STK39: variants seen among roughly 807,000 people sequenced by gnomAD.
The protein encoded by STK39 is STE20/SPS1-related proline-alanine-rich protein kinase.
Under a neutral mutation model 77.8 loss-of-function variants are expected in STK39, and 20 were observed. That is an observed-to-expected ratio of 0.26 (90% CI 0.18 to 0.37). The LOEUF (loss-of-function observed/expected upper bound fraction) is 0.37. Among genes scored for constraint, STK39 ranks in the 10% least tolerant of loss-of-function variants. The pLI, the probability that STK39 is intolerant of heterozygous loss-of-function variation, is 1.00. For synonymous variants in STK39, 246 were observed against 234.1 expected (o/e 1.05, Z -0.47); for missense variants, 479 against 656.5 (o/e 0.73, Z 2.95).
intron 1 of STK39, among the ~76,000 whole-genome samples, chr2:168,205,390 A>G (rs557956116): frequency 1.3e-5 from 2 of 152,248 alleles, no homozygotes; most frequent in Admixed American, 6.5e-5. Flanking sequence ...CCTTTTCTGT[A>G]TTTTCCAATT....
chr2:168,077,234 T>G (rs1264575223), intron 10 of STK39, among the ~76,000 whole-genome samples: 1 of 152,170 alleles, frequency 6.6e-6, no homozygotes, highest in East Asian at 1.9e-4. Context: ...CCCAAGAGAT[T>G]ACACTAAGGA....
chr2:168,164,597 G>C (rs528603511), intron 3 of STK39, among the ~76,000 whole-genome samples: 23 of 152,004 alleles, frequency 1.5e-4, no homozygotes, highest in Non-Finnish European at 3.2e-4. Context: ...TGTAGAGATG[G>C]GGTCTTACCA....
intron 10 of STK39, among the ~76,000 whole-genome samples, chr2:168,117,490 A>G (rs552996276): frequency 2.0e-5 from 3 of 152,330 alleles, no homozygotes; most frequent in Admixed American, 1.3e-4. Flanking sequence ...ACAGAAGGTA[A>G]AACTAGCAGA....
At chr2:168,151,143 ACTTAT>A (rs201989314) in intron 5 of STK39, among the ~76,000 whole-genome samples, 63,209 of 151,666 alleles carry the variant, frequency 0.42, 14,768 homozygotes, top group East Asian at 0.67. Context: ...TGCTCTAGTC[ACTTAT>A]CAAATCCATC....
intron 14 of STK39, among the ~76,000 whole-genome samples, chr2:168,046,789 G>C (rs1431316084): frequency 6.6e-6 from 1 of 152,214 alleles, no homozygotes; most frequent in Non-Finnish European, 1.5e-5. Flanking sequence ...GTGGGTGATG[G>C]GAGGGGATAA....
chr2:168,243,457 C>G lies in STK39; in HGVS notation c.208+3771G>C, dbSNP rs181981930. ...CTAGAACTCAAATTCTTCGTGTTGA[C>G]TAAGATGGCAATTTGTTACTTTTAG... is the stretch of plus-strand genomic sequence containing the variant. On this transcript the variant is annotated intron_variant, in intron 1 of 17. Coordinates refer to ENST00000355999, the MANE Select transcript of STK39 (RefSeq NM_013233.3). 4.6e-5 allele frequency among the ~76,000 whole-genome samples: 7 copies of G among 152,234 alleles called. No homozygotes were observed. The East Asian group carries it at 1.4e-3, about 29-fold the overall frequency.
intron 14 of STK39, among the ~76,000 whole-genome samples, chr2:168,030,517 T>G (rs1269791406): frequency 6.6e-6 from 1 of 152,202 alleles, no homozygotes; most frequent in Non-Finnish European, 1.5e-5. Flanking sequence ...TATTAAAGAT[T>G]AGCAAATTTA....
intron 1 of STK39, among the ~76,000 whole-genome samples, chr2:168,244,868 G>A (rs1460594105): frequency 6.6e-6 from 1 of 152,162 alleles, no homozygotes; most frequent in East Asian, 1.9e-4. Flanking sequence ...AAATTCCTCA[G>A]GTAAATTTCT....
chr2:167,957,322 T>C (rs530866834), intron 17 of STK39, among the ~76,000 whole-genome samples: 2 of 152,288 alleles, frequency 1.3e-5, no homozygotes, highest in South Asian at 2.1e-4. Context: ...AGAAGTAAAA[T>C]TGTCATTGTT....
At chr2:168,035,932 C>T (rs987378370) in intron 14 of STK39, among the ~76,000 whole-genome samples, 2 of 152,140 alleles carry the variant, frequency 1.3e-5, no homozygotes, top group African/African-American at 4.8e-5. Flanking sequence ...AAAGGAGACA[C>T]TTATACTATA....
intron 10 of STK39, among the ~76,000 whole-genome samples, chr2:168,125,835 G>A (rs747898510): frequency 3.3e-5 from 5 of 152,020 alleles, no homozygotes; most frequent in East Asian, 1.9e-4. Context: ...ACCTACCCTC[G>A]TGGAATTATG....
At chr2:168,026,909 G>C (rs1485825221) in intron 14 of STK39, among the ~76,000 whole-genome samples, 5 of 152,130 alleles carry the variant, frequency 3.3e-5, no homozygotes, top group African/African-American at 1.2e-4. Context: ...CTTGAACCCA[G>C]GAGTTTGAGA....
intron 16 of STK39, among the ~76,000 whole-genome samples, chr2:167,986,699 TG>T (rs1257552817): frequency 6.6e-6 from 1 of 152,150 alleles, no homozygotes; most frequent in East Asian, 1.9e-4. Flanking sequence ...CAAACACTTC[TG>T]GTAAGAAAAC....
At chr2:168,027,404 G>A (rs1321183620) in intron 14 of STK39, among the ~76,000 whole-genome samples, 2 of 152,136 alleles carry the variant, frequency 1.3e-5, no homozygotes, top group Non-Finnish European at 1.5e-5. Context: ...ACCTCCACAC[G>A]TGCAGAAATA....
At chr2:168,004,967 C>T (rs940698591) in intron 16 of STK39, among the ~76,000 whole-genome samples, 1 of 148,482 alleles carries the variant, frequency 6.7e-6, no homozygotes, top group Admixed American at 6.7e-5. Context: ...AATACTTAAC[C>T]TTAGCAAGCA....
chr2:168,196,047 T>C (rs1401498269), intron 1 of STK39, among the ~76,000 whole-genome samples: 5 of 152,174 alleles, frequency 3.3e-5, no homozygotes, highest in African/African-American at 1.2e-4. Flanking sequence ...TCTACCACTA[T>C]AAATGGGAAT....
intron 1 of STK39, among the ~76,000 whole-genome samples, chr2:168,230,876 G>C (rs1359222532): frequency 6.6e-6 from 1 of 152,092 alleles, no homozygotes; most frequent in African/African-American, 2.4e-5. Context: ...TCTCAGACCT[G>C]CTCAGGTTTG....
intron 12 of STK39, among the ~76,000 whole-genome samples, chr2:168,066,361 G>A (rs1033651989): frequency 2.6e-5 from 4 of 152,180 alleles, no homozygotes; most frequent in Non-Finnish European, 5.9e-5. Flanking sequence ...ATAGGTATAC[G>A]GCGTTCACTA....
intron 10 of STK39, among the ~76,000 whole-genome samples, chr2:168,088,339 C>T (rs559098049): frequency 6.6e-6 from 1 of 152,242 alleles, no homozygotes; most frequent in South Asian, 2.1e-4. Flanking sequence ...GCAATAGGCT[C>T]TCTGAAAAAG....
Sources: gnomAD v4.1 joint callset for allele counts (sites outside exome capture counted in the v4.1 genomes callset) on GRCh38, gnomAD v4.1.1 for gene constraint, MANE v1.5 for transcripts, NCBI Gene and HGNC (gene_info 2026-07-23, HGNC 2026-07-21) for gene names.